Variants in GABRA5 observed in about 807,000 individuals in gnomAD.
The protein encoded by GABRA5 is gamma-aminobutyric acid receptor subunit alpha-5.
A neutral mutation model predicts 47.3 loss-of-function variants in GABRA5; 18 were observed. That is an observed-to-expected ratio of 0.38 (90% confidence interval 0.26 to 0.56). GABRA5 has a LOEUF of 0.56. Among genes scored for constraint, GABRA5 ranks in the 20% least tolerant of loss-of-function variants. The pLI is 0.71. For synonymous variants in GABRA5, 237 were observed against 229.3 expected (o/e 1.03, Z -0.30); for missense variants, 365 against 599.3 (o/e 0.61, Z 4.08).
At chr15:26,902,410 TTG>T (rs1415793147) in intron 6 of GABRA5, among the ~76,000 whole-genome samples, 8 of 152,214 alleles carry the variant, frequency 5.3e-5, no homozygotes, top group East Asian at 3.9e-4. Context: ...GTAACTTGTA[TTG>T]TGTCTTTAAA....
intron 6 of GABRA5, among the ~76,000 whole-genome samples, chr15:26,895,826 A>AGAAGAAGAAG (rs1555390757): frequency 1.6e-3 from 214 of 136,054 alleles, no homozygotes; most frequent in Middle Eastern, 3.6e-3. Context: ...AAAAAAAAAA[A>AGAAGAAGAAG]AAGAAGAAGA....
rs538129784 is a variant in GABRA5 at position 26,876,282 on chromosome 15, A to T, written c.87-4564A>T. ...GAGAGGGATTGGGCTGGAGGTGTGGACCTGAGGTGTTTCCATACTTTGGGA... is the reference window on the plus strand; with the variant it reads ...GAGAGGGATTGGGCTGGAGGTGTGGTCCTGAGGTGTTTCCATACTTTGGGA... On this transcript the variant is annotated intron_variant, in intron 3 of 10. Transcript: ENST00000335625. Among the ~76,000 whole-genome samples the T allele has an allele frequency of 3.0e-4, 45 of 152,222 alleles. No homozygotes were observed. The South Asian group carries it at 8.9e-3, about 30-fold the overall frequency.
intron 7 of GABRA5, among the ~76,000 whole-genome samples, chr15:26,927,210 T>C (rs1893981550): frequency 6.6e-6 from 1 of 151,894 alleles, no homozygotes; most frequent in Non-Finnish European, 1.5e-5. Context: ...TTCAAGGGAT[T>C]CTCCTGCCTC....
chr15:26,939,822 T>A, intron 8 of GABRA5, 103 bp from the exon 9 acceptor site: 2 of 1,165,776 alleles, frequency 1.7e-6, no homozygotes, highest in East Asian at 4.7e-5. Context: ...TGAATGCTTG[T>A]CCAAACCGAC....
intron 10 of GABRA5, among the ~76,000 whole-genome samples, chr15:26,947,731 T>C (rs1287906228): frequency 2.6e-5 from 4 of 152,174 alleles, no homozygotes; most frequent in African/African-American, 7.2e-5. Context: ...TGTATCCCGT[T>C]ATGGGATTGC....
chr15:26,935,452 G>A lies in GABRA5; in HGVS notation c.581-1733G>A, dbSNP rs577009897. Among the ~76,000 whole-genome samples, 153 of 152,334 alleles carry A rather than the reference G, an allele frequency of 1.0e-3. 1 individual carries two copies. Among genetic ancestry groups the A allele is most frequent in the African/African-American group, 3.3e-3 (139 of 41,588 alleles). On this transcript the variant is annotated intron_variant, in intron 7 of 10. Coordinates refer to ENST00000335625, the MANE Select transcript of GABRA5 (RefSeq NM_000810.4). Reference sequence around the variant, plus strand: ...TAACCATGGAGAAAGCGGCTCACAGGACTTGCACCCAGCGAGGCCTCAGGT... The same window carrying A: ...TAACCATGGAGAAAGCGGCTCACAGAACTTGCACCCAGCGAGGCCTCAGGT...
intron 10 of GABRA5, among the ~76,000 whole-genome samples, chr15:26,946,614 A>G (rs921237841): frequency 6.6e-6 from 1 of 152,172 alleles, no homozygotes; most frequent in African/African-American, 2.4e-5. Context: ...CTGAGTGTGG[A>G]CAAATATGGA....
intron 7 of GABRA5, among the ~76,000 whole-genome samples, chr15:26,935,929 A>G (rs952963990): frequency 1.3e-5 from 2 of 152,112 alleles, no homozygotes; most frequent in African/African-American, 4.8e-5. Flanking sequence ...GGCCCCTGAA[A>G]TGGCTTGGCT....
intron 3 of GABRA5, among the ~76,000 whole-genome samples, chr15:26,872,605 T>A (rs1175782391): frequency 6.6e-6 from 1 of 151,622 alleles, no homozygotes; most frequent in Non-Finnish European, 1.5e-5. Context: ...AAAGAAAGAG[T>A]TTATGTGATT....
At chr15:26,945,868 A>C (rs935887384) in intron 10 of GABRA5, among the ~76,000 whole-genome samples, 13 of 147,628 alleles carry the variant, frequency 8.8e-5, no homozygotes, top group African/African-American at 3.3e-4. Context: ...CACCCTCAGG[A>C]CAGAGCAGTA....
At chr15:26,905,955 C>G (rs1193196961) in intron 6 of GABRA5, among the ~76,000 whole-genome samples, 1 of 151,824 alleles carries the variant, frequency 6.6e-6, no homozygotes, top group Non-Finnish European at 1.5e-5. Context: ...AACATGTTTT[C>G]TAGTAAGTCT....
chr15:26,904,829 G>A lies in GABRA5; in HGVS notation c.498-9974G>A, dbSNP rs188583839. ...TATTGATTTTGTATCCTGAAACTTT[G>A]TTATTTATCAGCTGAAGGTGCTTTT... is the stretch of plus-strand genomic sequence containing the variant. On this transcript the variant is annotated intron_variant, in intron 6 of 10. Transcript: ENST00000335625. Among the ~76,000 whole-genome samples the A allele has an allele frequency of 2.7e-4, 41 of 152,058 alleles. 1 individual carries two copies. Among genetic ancestry groups the A allele is most frequent in the East Asian group, 1.9e-4 (1 of 5,178 alleles).
chr15:26,869,114 C>T, intron 2 of GABRA5, 61 bp from the exon 3 acceptor site: 2 of 649,848 alleles, frequency 3.1e-6, no homozygotes, highest in South Asian at 3.7e-5. Flanking sequence ...GATTTGATTC[C>T]AGGAACTGTG....
chr15:26,930,003 C>CTTT (rs1203493810), intron 7 of GABRA5, among the ~76,000 whole-genome samples: 4 of 114,960 alleles, frequency 3.5e-5, no homozygotes, highest in African/African-American at 6.9e-5. Context: ...TCTTCTTCTT[C>CTTT]TTCTTTTTTT....
intron 6 of GABRA5, among the ~76,000 whole-genome samples, chr15:26,914,381 A>G (rs1285899435): frequency 6.6e-6 from 1 of 152,208 alleles, no homozygotes; most frequent in Non-Finnish European, 1.5e-5. Context: ...GTATTTTCCC[A>G]TATTCTACGA....
intron 9 of GABRA5, among the ~76,000 whole-genome samples, chr15:26,941,836 C>A (rs189517422): frequency 6.6e-6 from 1 of 152,304 alleles, no homozygotes; most frequent in Admixed American, 6.5e-5. Flanking sequence ...CAAGGTTCCC[C>A]ATTTTATAAG....
intron 3 of GABRA5, among the ~76,000 whole-genome samples, chr15:26,871,172 C>T (rs778843761): frequency 2.0e-5 from 3 of 152,080 alleles, no homozygotes; most frequent in Non-Finnish European, 4.4e-5. Context: ...CCAGCTTGGG[C>T]GACAGAGCAA....
intron 6 of GABRA5, among the ~76,000 whole-genome samples, chr15:26,888,037 G>A (rs983055961): frequency 2.6e-5 from 4 of 152,156 alleles, no homozygotes; most frequent in Non-Finnish European, 5.9e-5. Context: ...TTAGTATTCA[G>A]AGTTACACAC....
chr15:26,934,797 C>A (rs1894196855), intron 7 of GABRA5, among the ~76,000 whole-genome samples: 1 of 152,124 alleles, frequency 6.6e-6, no homozygotes, highest in South Asian at 2.1e-4. Context: ...TTCTGAAATA[C>A]CTTGAGAATT....
Sources: allele counts gnomAD v4.1 joint callset (sites outside exome capture counted in the v4.1 genomes callset), GRCh38; gene constraint gnomAD v4.1.1; transcripts MANE v1.5; gene names NCBI Gene and HGNC (gene_info 2026-07-23, HGNC 2026-07-21).